Variants in LEKR1 observed in about 807,000 individuals in gnomAD.
The protein encoded by LEKR1 is protein LEKR1.
LEKR1 carries 59 observed loss-of-function variants against 72.4 expected under a neutral mutation model. The ratio of observed to expected loss-of-function variants is 0.82; its 90% confidence interval spans 0.66 to 1.01. The LOEUF (loss-of-function observed/expected upper bound fraction) is 1.01. LEKR1 is among the 50% of genes least tolerant of loss of function. LEKR1 has a pLI of 0.00. For synonymous variants in LEKR1, 257 were observed against 263.2 expected (o/e 0.98, Z 0.23); for missense variants, 728 against 759.2 (o/e 0.96, Z 0.48).
chr3:156,970,405 A>C (rs1290417554), intron 6 of LEKR1, among the ~76,000 whole-genome samples: 1 of 152,196 alleles, frequency 6.6e-6, no homozygotes, highest in South Asian at 2.1e-4. Flanking sequence ...GTCCTTGCCC[A>C]TGCCTATGTC....
In LEKR1 at chr3:156,928,287, A is replaced by G. The variant is rs545406065; in HGVS notation, c.559+683A>G. Among the ~76,000 whole-genome samples the G allele has an allele frequency of 7.9e-5, 12 of 152,152 alleles. No individual in the cohort carries two copies. In the East Asian group the frequency reaches 2.3e-3, roughly 29 times the overall value. ...TGAAGACTGAACCCTAATGTAAACT[A>G]TAAATTTTGGGTAGTAATAATAATG... On this transcript the variant is annotated intron_variant, in intron 5 of 12. Transcript: ENST00000356539.
chr3:156,893,719 A>G (rs1720899905), intron 3 of LEKR1, among the ~76,000 whole-genome samples: 1 of 151,204 alleles, frequency 6.6e-6, no homozygotes, highest in South Asian at 2.1e-4. Context: ...CCATGCTCTT[A>G]CAGCCTGTAG....
intron 3 of LEKR1, among the ~76,000 whole-genome samples, chr3:156,867,622 A>G (rs1014057028): frequency 2.6e-5 from 4 of 152,060 alleles, no homozygotes; most frequent in Admixed American, 1.3e-4. Flanking sequence ...CCAGTCCACA[A>G]TAATCTCTTT....
At chr3:156,860,692 C>T (rs898759430) in intron 3 of LEKR1, among the ~76,000 whole-genome samples, 5 of 152,146 alleles carry the variant, frequency 3.3e-5, no homozygotes, top group African/African-American at 1.2e-4. Context: ...CTAAACCTAC[C>T]TACCTCCAAC....
chr3:156,981,885 T>G (rs1463077416), intron 7 of LEKR1, among the ~76,000 whole-genome samples: 3 of 152,228 alleles, frequency 2.0e-5, no homozygotes, highest in Non-Finnish European at 4.4e-5. Flanking sequence ...TTCCAGAAAT[T>G]GGAATATGCT....
chr3:157,026,574 A>C (rs1049323983), intron 11 of LEKR1, among the ~76,000 whole-genome samples: 5 of 152,216 alleles, frequency 3.3e-5, no homozygotes, highest in African/African-American at 1.2e-4. Flanking sequence ...AGATAATAGA[A>C]TATTAATTTA....
intron 3 of LEKR1, among the ~76,000 whole-genome samples, chr3:156,865,386 G>A (rs1717191234): frequency 6.6e-6 from 1 of 152,032 alleles, no homozygotes; most frequent in African/African-American, 2.4e-5. Flanking sequence ...AAATGGGGGT[G>A]TGTGAGATTT....
intron 6 of LEKR1, among the ~76,000 whole-genome samples, chr3:156,950,946 G>A (rs550713461): frequency 9.9e-5 from 15 of 151,720 alleles, no homozygotes; most frequent in Admixed American, 4.0e-4. Context: ...TCTTGTTCTG[G>A]TTTTCAAGGG....
At chr3:156,942,898 C>T (rs1726352302) in intron 6 of LEKR1, 184 bp downstream of exon 6, 1 of 294,858 alleles carries the variant, frequency 3.4e-6, no homozygotes, top group Non-Finnish European at 6.4e-6. Flanking sequence ...GTCATCATTT[C>T]CAGTTTTGCC....
chr3:156,852,741 T>C (rs1038673113), intron 2 of LEKR1, 27 bp from the exon 3 acceptor site: 10 of 1,255,684 alleles, frequency 8.0e-6, no homozygotes, highest in Non-Finnish European at 1.1e-5. Context: ...TTAAAAAAAT[T>C]TGGTAAGTGT....
chr3:156,896,740 T>C (rs1335320500), intron 3 of LEKR1, among the ~76,000 whole-genome samples: 1 of 152,184 alleles, frequency 6.6e-6, no homozygotes, highest in East Asian at 1.9e-4. Context: ...TACATACATA[T>C]GCATGCATAT....
intron 9 of LEKR1, among the ~76,000 whole-genome samples, chr3:156,997,635 A>G (rs1731684518): frequency 6.6e-6 from 1 of 152,160 alleles, no homozygotes; most frequent in African/African-American, 2.4e-5. Context: ...GCTTTCATAA[A>G]TCCAAGCAGT....
chr3:156,884,531 C>T (rs754658994), intron 3 of LEKR1, among the ~76,000 whole-genome samples: 12 of 152,138 alleles, frequency 7.9e-5, no homozygotes, highest in Non-Finnish European at 1.3e-4. Context: ...CTGTCCTTCA[C>T]TTATGAAGCC....
chr3:156,942,342 CT>C (rs928590340), intron 5 of LEKR1, among the ~76,000 whole-genome samples, 186 bp from the exon 6 acceptor site: 1 of 151,844 alleles, frequency 6.6e-6, no homozygotes, highest in Non-Finnish European at 1.5e-5. Flanking sequence ...AGCAATAAAA[CT>C]TTTTTTATCG....
Position 156,991,725 on chromosome 3 carries a change from G to A in LEKR1, c.828-928G>A, listed in dbSNP as rs1216564629. Among the ~76,000 whole-genome samples, 3 of 151,968 alleles carry A rather than the reference G, an allele frequency of 2.0e-5. No individual in the cohort carries two copies. The East Asian group carries it at 5.8e-4, about 29-fold the overall frequency. ...AGATTTCTCATCTTTTTATTAATTA[G>A]AATAGATTTTCCTTTATGTCTTTGA... On this transcript the variant is annotated intron_variant, in intron 7 of 12. Coordinates refer to ENST00000356539, the MANE Select transcript of LEKR1 (RefSeq NM_001004316.3).
intron 3 of LEKR1, among the ~76,000 whole-genome samples, chr3:156,895,246 A>G (rs1278265164): frequency 1.3e-5 from 2 of 152,236 alleles, no homozygotes; most frequent in African/African-American, 4.8e-5. Context: ...CGTTTCTCAA[A>G]GGAAGACATT....
intron 6 of LEKR1, among the ~76,000 whole-genome samples, chr3:156,949,941 C>G (rs1053883848): frequency 6.6e-6 from 1 of 151,104 alleles, no homozygotes; most frequent in African/African-American, 2.4e-5. Flanking sequence ...CTTTCTAAAA[C>G]ATTGTATAAA....
intron 9 of LEKR1, among the ~76,000 whole-genome samples, chr3:156,994,192 A>G (rs180760371): frequency 3.5e-4 from 53 of 152,142 alleles, no homozygotes; most frequent in African/African-American, 1.1e-3. Context: ...AAGAGTTACA[A>G]TCTTTTTTTT....
chr3:156,941,940 G>A (rs992864830), intron 5 of LEKR1, among the ~76,000 whole-genome samples: 4 of 151,954 alleles, frequency 2.6e-5, no homozygotes, highest in Admixed American at 2.0e-4. Flanking sequence ...ATAGAATAAT[G>A]ACATGATTAT....
Sources: gnomAD v4.1 joint callset for allele counts (sites outside exome capture counted in the v4.1 genomes callset) on GRCh38, gnomAD v4.1.1 for gene constraint, MANE v1.5 for transcripts, NCBI Gene and HGNC (gene_info 2026-07-23, HGNC 2026-07-21) for gene names.